Variants in NKAIN3 observed in about 807,000 individuals in gnomAD.
NKAIN3 encodes sodium/potassium-transporting ATPase subunit beta-1-interacting protein 3.
In NKAIN3, 25 loss-of-function variants were observed where a neutral mutation model predicts 30.2. The ratio of observed to expected loss-of-function variants is 0.83; its 90% CI spans 0.60 to 1.16. The LOEUF (loss-of-function observed/expected upper bound fraction) is 1.16. Ranked by LOEUF, NKAIN3 falls within the 50% of genes most tolerant of loss-of-function variation. NKAIN3 has a pLI of 0.00. For synonymous variants in NKAIN3, 91 were observed against 89.6 expected, an observed-to-expected ratio of 1.02 and a Z score of -0.09; for missense variants, 225 against 254.1, an observed-to-expected ratio of 0.89 and a Z score of 0.78.
chr8:62,434,423 G>T (rs927951206), intron 1 of NKAIN3, among the ~76,000 whole-genome samples: 2 of 152,136 alleles, frequency 1.3e-5, no homozygotes, highest in Admixed American at 1.3e-4. Context: ...CCCTGAGAAG[G>T]TCCTGCGAGG....
At position 62,982,370 on chromosome 8, in the gene NKAIN3, T is replaced by C. The variant is rs548022153; in HGVS notation, c.*16963T>C. The C allele has an allele frequency of 1.3e-5, 2 of 152,304 alleles. No homozygotes were observed. The highest frequency in any genetic ancestry group is 4.8e-5 in the African/African-American group (2 of 41,580). The allele number at this position is 152,304 out of a possible 1,614,324, so 9.4% of individuals were successfully genotyped here. On this transcript the variant is annotated 3_prime_UTR_variant, in exon 7 of 7. Coordinates refer to ENST00000623646, the MANE Select transcript of NKAIN3 (RefSeq NM_001304533.3). ...GTCTACAATTTGAATGGAGAGCCCT[T>C]TCAATGTGGCGTTTCTGTTTCTTCC...
chr8:62,916,513 T>C (rs1253362842), intron 4 of NKAIN3, among the ~76,000 whole-genome samples: 1 of 152,186 alleles, frequency 6.6e-6, no homozygotes, highest in South Asian at 2.1e-4. Flanking sequence ...ATTTTGTTTG[T>C]TCTCTCACTG....
At chr8:62,766,910 A>AC (rs1371211316) in intron 4 of NKAIN3, among the ~76,000 whole-genome samples, 44 of 95,260 alleles carry the variant, frequency 4.6e-4, no homozygotes, top group African/African-American at 1.7e-3. Flanking sequence ...CCTCAGCCCC[A>AC]CCCCCCGACC....
intron 3 of NKAIN3, among the ~76,000 whole-genome samples, chr8:62,656,227 T>A (rs1812760184): frequency 6.6e-6 from 1 of 152,144 alleles, no homozygotes; most frequent in African/African-American, 2.4e-5. Flanking sequence ...ATTTACATAA[T>A]CAGATTCAAC....
intron 3 of NKAIN3, among the ~76,000 whole-genome samples, chr8:62,663,553 A>G (rs1490634231): frequency 1.3e-5 from 2 of 152,154 alleles, no homozygotes; most frequent in Non-Finnish European, 2.9e-5. Context: ...AGATTATGAG[A>G]CAATCTACTA....
Position 62,981,577 on chromosome 8 carries a change from A to G in NKAIN3, c.*16170A>G, listed in dbSNP as rs564825940. ...AACTTAGGAGTGATAACTCACATTGAGAACTTGTGATCTGAAAGCACTAAG... is the reference window on the plus strand; with the variant it reads ...AACTTAGGAGTGATAACTCACATTGGGAACTTGTGATCTGAAAGCACTAAG... On this transcript the variant is annotated 3_prime_UTR_variant, in exon 7 of 7. Transcript: ENST00000623646. 2.0e-5 allele frequency: 3 copies of G among 152,256 alleles called. No individual in the cohort carries two copies. In the South Asian group the frequency reaches 6.2e-4, roughly 32 times the overall value. 9.4% of individuals were successfully genotyped at this position (152,256 alleles called of 1,614,324 possible). A position where few individuals can be genotyped will look rare whatever the true frequency, so the allele number is the denominator to read the frequency against.
At chr8:62,770,328 A>G (rs1816972873) in intron 4 of NKAIN3, among the ~76,000 whole-genome samples, 1 of 152,202 alleles carries the variant, frequency 6.6e-6, no homozygotes, top group African/African-American at 2.4e-5. Flanking sequence ...TAGGAGATTT[A>G]CTGGCTTTAG....
chr8:62,328,888 G>A (rs1308905673), intron 1 of NKAIN3, among the ~76,000 whole-genome samples: 8 of 152,072 alleles, frequency 5.3e-5, no homozygotes, highest in Non-Finnish European at 1.2e-4. Context: ...CTTGGGCTAC[G>A]TTGCACCAGG....
chr8:62,863,628 CTTTG>C (rs1820324997), intron 4 of NKAIN3: 9 of 1,219,450 alleles, frequency 7.4e-6, no homozygotes, highest in Admixed American at 5.1e-5. Flanking sequence ...ATCACCATGT[CTTTG>C]TTTGGGTCAC....
intron 5 of NKAIN3, among the ~76,000 whole-genome samples, chr8:62,952,301 G>A (rs1003342119): frequency 6.6e-6 from 1 of 151,954 alleles, no homozygotes; most frequent in Non-Finnish European, 1.5e-5. Flanking sequence ...AATACATGAA[G>A]CAGAACTGTA....
At chr8:62,445,662 G>A (rs1805466632) in intron 1 of NKAIN3, among the ~76,000 whole-genome samples, 1 of 152,114 alleles carries the variant, frequency 6.6e-6, no homozygotes, top group South Asian at 2.1e-4. Flanking sequence ...AGTAGAGATG[G>A]TGAGAGTTTC....
chr8:62,428,120 T>G (rs1317267773), intron 1 of NKAIN3, among the ~76,000 whole-genome samples: 2 of 151,966 alleles, frequency 1.3e-5, no homozygotes, highest in African/African-American at 4.8e-5. Flanking sequence ...CTGGCTTATT[T>G]CATTAAAATA....
chr8:62,605,646 T>C (rs1266093406), intron 3 of NKAIN3, among the ~76,000 whole-genome samples: 1 of 152,024 alleles, frequency 6.6e-6, no homozygotes, highest in Non-Finnish European at 1.5e-5. Context: ...TAATACCAAA[T>C]TTAAAATGTA....
At chr8:62,611,114 T>C (rs7812978) in intron 3 of NKAIN3, among the ~76,000 whole-genome samples, 40,155 of 151,962 alleles carry the variant, frequency 0.26, 5,866 homozygotes, top group African/African-American at 0.39. Flanking sequence ...TTTTGAAATT[T>C]AGAGTCAATT....
At chr8:62,851,768 G>A (rs184408326) in intron 4 of NKAIN3, among the ~76,000 whole-genome samples, 6 of 152,102 alleles carry the variant, frequency 3.9e-5, no homozygotes, top group East Asian at 1.9e-4. Flanking sequence ...TTATTGTTTT[G>A]CATATGTTGA....
chr8:62,328,778 T>C (rs1406681979), intron 1 of NKAIN3, among the ~76,000 whole-genome samples: 15 of 152,146 alleles, frequency 9.9e-5, no homozygotes, highest in Non-Finnish European at 1.2e-4. Flanking sequence ...AAATATTTGT[T>C]TAGTACCTTA....
At chr8:62,446,343 G>T (rs940924647) in intron 1 of NKAIN3, among the ~76,000 whole-genome samples, 9 of 151,878 alleles carry the variant, frequency 5.9e-5, no homozygotes, top group Middle Eastern at 6.8e-3. Context: ...ACATATGGCT[G>T]GTTTTTTTTA....
chr8:62,347,943 A>C (rs1816054448), intron 1 of NKAIN3, among the ~76,000 whole-genome samples: 1 of 152,198 alleles, frequency 6.6e-6, no homozygotes, highest in Non-Finnish European at 1.5e-5. Flanking sequence ...ATAGCATTTA[A>C]ATAAATCAAG....
chr8:62,591,991 A>G (rs1218431784), intron 3 of NKAIN3, among the ~76,000 whole-genome samples: 1 of 152,042 alleles, frequency 6.6e-6, no homozygotes, highest in Non-Finnish European at 1.5e-5. Flanking sequence ...TAGTTCATGA[A>G]GATACTTCTT....
Sources: allele counts gnomAD v4.1 joint callset (sites outside exome capture counted in the v4.1 genomes callset), GRCh38; gene constraint gnomAD v4.1.1; transcripts MANE v1.5; gene names NCBI Gene and HGNC (gene_info 2026-07-23, HGNC 2026-07-21).